ZNF469: variants seen among roughly 807,000 people sequenced by gnomAD.
The protein encoded by ZNF469 is zinc finger protein 469.
Under a neutral mutation model 1.0 loss-of-function variants are expected in ZNF469, and 1 was observed. The observed-to-expected ratio is 1.00, with a 90% CI of 0.35 to 4.73. The LOEUF (loss-of-function observed/expected upper bound fraction) is 4.73. Among genes scored for constraint, ZNF469 ranks in the 30% most tolerant of loss-of-function variants. The pLI, the probability that ZNF469 is intolerant of heterozygous loss-of-function variation, is 0.16. For missense variants in ZNF469, 6,100 were observed against 5,356.3 expected, an observed-to-expected ratio of 1.14 and a Z score of -4.33; for synonymous variants, 2,703 against 2,363.4, an observed-to-expected ratio of 1.14 and a Z score of -4.17.
At chr16:88,183,856 C>A in the ZNF469 span, among the ~76,000 whole-genome samples, 1 of 152,142 alleles carries the variant, frequency 6.6e-6, no homozygotes, top group African/African-American at 2.4e-5. Flanking sequence ...GCCCACCTTG[C>A]CCGGTGGGTG....
the ZNF469 span, among the ~76,000 whole-genome samples, chr16:88,113,124 T>C: frequency 6.6e-6 from 1 of 152,172 alleles, no homozygotes; most frequent in African/African-American, 2.4e-5. Flanking sequence ...TTTGCCTGTG[T>C]TTGCCTTGGT....
At chr16:88,229,606 T>TGTGGGTGTCACGC in the ZNF469 span, among the ~76,000 whole-genome samples, 1 of 65,860 alleles carries the variant, frequency 1.5e-5, no homozygotes, top group Non-Finnish European at 5.6e-5. Flanking sequence ...ATGTCACGCG[T>TGTGGGTGTCACGC]GTGTGCTGAT....
chr16:88,390,189 G>T lies in ZNF469; in HGVS notation c.-192+6935G>T, dbSNP rs571673056. 1.9e-3 allele frequency among the ~76,000 whole-genome samples: 287 copies of T among 152,338 alleles called. 1 individual carries two copies. The highest frequency in any genetic ancestry group is 6.8e-3 in the African/African-American group (281 of 41,568). On this transcript the variant is annotated intron_variant, in intron 1 of 2. Coordinates refer to ENST00000565624, the MANE Select transcript of ZNF469 (RefSeq NM_001367624.2). The stretch of plus-strand genomic sequence containing the variant: ...TCTCCAGGCAGAGGGGCTCACGGAG[G>T]TCAGGTGGTCACGGGGTTCAGCTCA...
At chr16:88,330,673 G>A in the ZNF469 span, among the ~76,000 whole-genome samples, 1 of 152,176 alleles carries the variant, frequency 6.6e-6, no homozygotes, top group African/African-American at 2.4e-5. Context: ...CAGCACAGGA[G>A]GTGAGAGACT....
chr16:88,102,161 T>C, the ZNF469 span, among the ~76,000 whole-genome samples: 1 of 149,612 alleles, frequency 6.7e-6, no homozygotes, highest in African/African-American at 2.5e-5. Context: ...TTATCACACC[T>C]TCCAGTGTCC....
chr16:88,335,904 A>G, the ZNF469 span, among the ~76,000 whole-genome samples: 8 of 151,628 alleles, frequency 5.3e-5, no homozygotes, highest in African/African-American at 1.9e-4. Flanking sequence ...AGGCACTAAC[A>G]TGCCAATACC....
chr16:88,155,528 A>T, the ZNF469 span, among the ~76,000 whole-genome samples: 1 of 152,142 alleles, frequency 6.6e-6, no homozygotes, highest in Non-Finnish European at 1.5e-5. Context: ...TGGATTTGCC[A>T]GTTCGGGATG....
the ZNF469 span, among the ~76,000 whole-genome samples, chr16:88,204,234 C>T: frequency 6.6e-6 from 1 of 151,988 alleles, no homozygotes; most frequent in South Asian, 2.1e-4. Context: ...CCCGTAACCC[C>T]ATAGAGCAGC....
At chr16:88,226,010 AG>A in the ZNF469 span, among the ~76,000 whole-genome samples, 1 of 152,042 alleles carries the variant, frequency 6.6e-6, no homozygotes, top group Non-Finnish European at 1.5e-5. Context: ...CTGTAGCCCC[AG>A]GATGGTCGCC....
the ZNF469 span, among the ~76,000 whole-genome samples, chr16:88,239,481 G>A: frequency 6.7e-6 from 1 of 148,706 alleles, no homozygotes; most frequent in Non-Finnish European, 1.5e-5. Context: ...GAATTTTCAT[G>A]ATGGTCTCTC....
the ZNF469 span, among the ~76,000 whole-genome samples, chr16:88,174,788 A>G: frequency 2.6e-5 from 4 of 151,906 alleles, no homozygotes; most frequent in South Asian, 2.1e-4. Flanking sequence ...TAATACACAT[A>G]CAAAATATGT....
intron 1 of ZNF469, among the ~76,000 whole-genome samples, chr16:88,386,543 G>C (rs927256561): frequency 2.0e-5 from 3 of 152,134 alleles, no homozygotes; most frequent in South Asian, 2.1e-4. Context: ...CTTGACGAAG[G>C]GGCCCTATTC....
the ZNF469 span, among the ~76,000 whole-genome samples, chr16:88,337,856 G>A: frequency 6.6e-6 from 1 of 152,194 alleles, no homozygotes; most frequent in Non-Finnish European, 1.5e-5. Context: ...TTGTTGAGTT[G>A]TGCGTGCTCT....
In ZNF469 at chr16:88,439,517, C is replaced by T. The variant is rs1464680673; in HGVS notation, c.*185C>T. The T allele has an allele frequency of 2.9e-6, 2 of 680,716 alleles. No individual in the cohort carries two copies. Among genetic ancestry groups the T allele is most frequent in the African/African-American group, 3.6e-5 (2 of 55,502 alleles). 42.2% of individuals were successfully genotyped at this position (680,716 alleles called of 1,614,324 possible). A position where few individuals can be genotyped will look rare whatever the true frequency, so the allele number is the denominator to read the frequency against. On this transcript the variant is annotated 3_prime_UTR_variant, in exon 3 of 3. Transcript: ENST00000565624. ...ACAGGGCCCAGGTGGGCAGCATTCC[C>T]TTTCTTGCTGGAAGGCTGGGGGTGA...
At position 88,437,425 on chromosome 16, in the gene ZNF469, G is replaced by A. The variant is rs1387048787; in HGVS notation, c.9955G>A (p.Gly3319Arg). The change falls in exon 3 of 3, where the codon GGG becomes AGG. Residue 3319 changes from glycine (G) to arginine (R), a missense_variant. Physicochemically the swap from Gly to Arg is moderately radical, Grantham distance 125. Transcript: ENST00000565624. ...CCCGTCCCCCGACCCCTGGGCCGGCGGGGAGCCCCTCCTGCAAGCCACCCC... is the reference window on the plus strand; with the variant it reads ...CCCGTCCCCCGACCCCTGGGCCGGCAGGGAGCCCCTCCTGCAAGCCACCCC... ...PSPSPDPWAG[G>R]EPLLQATPVH... The A allele has an allele frequency of 1.1e-5, 16 of 1,520,012 alleles. No individual in the cohort carries two copies. Among genetic ancestry groups the A allele is most frequent in the South Asian group, 3.7e-5 (3 of 81,298 alleles). 94.2% of individuals were successfully genotyped at this position (1,520,012 alleles called of 1,614,324 possible). A position where few individuals can be genotyped will look rare whatever the true frequency, so the allele number is the denominator to read the frequency against.
chr16:88,271,720 G>C, the ZNF469 span, among the ~76,000 whole-genome samples: 1 of 151,564 alleles, frequency 6.6e-6, no homozygotes, highest in Non-Finnish European at 1.5e-5. Context: ...TGGAGACTAA[G>C]TAGGAACTGA....
the ZNF469 span, among the ~76,000 whole-genome samples, chr16:88,326,856 C>T: frequency 6.6e-6 from 1 of 152,212 alleles, no homozygotes; most frequent in African/African-American, 2.4e-5. Context: ...CTTGTCTGCA[C>T]TTCATTTTCT....
Position 88,436,936 on chromosome 16 carries a change from C to T in ZNF469, c.9466C>T (p.Arg3156Trp). 12 of 1,492,800 alleles carry T rather than the reference C, an allele frequency of 8.0e-6. No homozygotes were observed. Among genetic ancestry groups the T allele is most frequent in the Non-Finnish European group, 9.8e-6 (11 of 1,122,506 alleles). The allele number at this position is 1,492,800 out of a possible 1,614,324, so 92.5% of individuals were successfully genotyped here. A position where few individuals can be genotyped will look rare whatever the true frequency, so the allele number is the denominator to read the frequency against. The change falls in exon 3 of 3, where the codon CGG (arginine) becomes TGG (tryptophan). Residue 3156 changes from arginine to tryptophan, a missense_variant. Transcript: ENST00000565624. Reference protein sequence around the residue: ...YMCVERRFGSRELLRGHLQER... With the variant: ...YMCVERRFGSWELLRGHLQER... ...GTGCGTGGAGCGCAGGTTTGGCTCGCGGGAGCTGCTGCGGGGGCACCTGCA... is the reference window on the plus strand; with the variant it reads ...GTGCGTGGAGCGCAGGTTTGGCTCGTGGGAGCTGCTGCGGGGGCACCTGCA...
At chr16:88,193,687 G>A in the ZNF469 span, 1 of 152,202 alleles carries the variant, frequency 6.6e-6, no homozygotes, top group East Asian at 1.9e-4. Context: ...GGGTGGCAGA[G>A]CGAGACCCTG....
Sources: allele counts gnomAD v4.1 joint callset (sites outside exome capture counted in the v4.1 genomes callset), GRCh38; gene constraint gnomAD v4.1.1; transcripts MANE v1.5; gene names NCBI Gene and HGNC (gene_info 2026-07-23, HGNC 2026-07-21).